The following CLVS1 variants were observed in gnomAD, a reference collection of about 807,000 sequenced individuals.
The protein encoded by CLVS1 is clavesin 1, also known as clavesin-1.
A neutral mutation model predicts 33.1 loss-of-function variants in CLVS1; 10 were observed. That is an observed-to-expected ratio of 0.30 (90% CI 0.19 to 0.51). The LOEUF (loss-of-function observed/expected upper bound fraction) is 0.51, where lower values mean the gene tolerates loss of function less well. CLVS1 is among the 20% of genes least tolerant of loss of function. The pLI, the probability that CLVS1 is intolerant of heterozygous loss-of-function variation, is 0.97. For synonymous variants in CLVS1, 163 were observed against 166.1 expected (o/e 0.98, Z 0.14); for missense variants, 343 against 433.4 (o/e 0.79, Z 1.85).
chr8:61,008,524 T>C, the CLVS1 span, among the ~76,000 whole-genome samples: 89 of 151,106 alleles, frequency 5.9e-4, 2 homozygotes, highest in South Asian at 0.018. Context: ...TGGAAAGCAG[T>C]GGCACAATCA....
chr8:61,286,503 T>C (rs1265067761), upstream of CLVS1, among the ~76,000 whole-genome samples: 1 of 152,246 alleles, frequency 6.6e-6, no homozygotes, highest in Non-Finnish European at 1.5e-5. Context: ...TGCTACATCA[T>C]TTCCAGATGT....
chr8:61,151,724 A>G (rs562010663), intron 2 of CLVS1, among the ~76,000 whole-genome samples: 1 of 152,346 alleles, frequency 6.6e-6, no homozygotes, highest in East Asian at 1.9e-4. Context: ...TGGTTCACCC[A>G]GGGCCTTGCA....
intron 1 of CLVS1, among the ~76,000 whole-genome samples, chr8:61,114,013 T>C (rs1415476750): frequency 1.3e-5 from 2 of 152,248 alleles, no homozygotes; most frequent in Non-Finnish European, 2.9e-5. Context: ...CTTGTGGCCC[T>C]GTATCAACTA....
chr8:61,386,489 C>A (rs1455021198), intron 3 of CLVS1, among the ~76,000 whole-genome samples: 17 of 152,138 alleles, frequency 1.1e-4, no homozygotes, highest in Non-Finnish European at 4.4e-5. Context: ...GATGCAAATG[C>A]CATGCTCAGC....
intron 1 of CLVS1, 36 bp downstream of exon 1, chr8:61,288,174 C>T (rs963307160): frequency 6.6e-6 from 3 of 456,294 alleles, no homozygotes; most frequent in Non-Finnish European, 1.3e-5. Flanking sequence ...CTGTATTTGC[C>T]GAGCCTCCCC....
intron 3 of CLVS1, among the ~76,000 whole-genome samples, chr8:61,389,770 C>A (rs527914807): frequency 6.6e-6 from 1 of 152,034 alleles, no homozygotes; most frequent in African/African-American, 2.4e-5. Context: ...GAAGCCAGCA[C>A]GGAAGTGCAT....
chr8:61,421,564 T>A (rs994433047), intron 3 of CLVS1, among the ~76,000 whole-genome samples: 1 of 152,150 alleles, frequency 6.6e-6, no homozygotes, highest in Admixed American at 6.5e-5. Flanking sequence ...CCTAGCACTG[T>A]GAAAGGGACT....
At chr8:61,005,087 T>A in the CLVS1 span, among the ~76,000 whole-genome samples, 1 of 152,224 alleles carries the variant, frequency 6.6e-6, no homozygotes, top group Non-Finnish European at 1.5e-5. Flanking sequence ...GCCAGCCTTA[T>A]TATTTAGAAA....
intron 5 of CLVS1, among the ~76,000 whole-genome samples, chr8:61,469,765 C>T (rs928283199): frequency 3.3e-5 from 5 of 152,334 alleles, no homozygotes; most frequent in African/African-American, 1.2e-4. Flanking sequence ...GTCTATTTTA[C>T]TTCATGGCTT....
At chr8:61,298,331 G>T (rs1224704949) in intron 1 of CLVS1, among the ~76,000 whole-genome samples, 3 of 152,098 alleles carry the variant, frequency 2.0e-5, no homozygotes, top group South Asian at 2.1e-4. Flanking sequence ...GTTTCTTAGA[G>T]AACATCACAG....
At chr8:60,978,515 T>C in the CLVS1 span, among the ~76,000 whole-genome samples, 122 of 152,186 alleles carry the variant, frequency 8.0e-4, no homozygotes, top group African/African-American at 2.8e-3. Flanking sequence ...AGGTAACCAC[T>C]AAGAAATAAC....
At chr8:61,456,334 G>A (rs750054401) in intron 4 of CLVS1, among the ~76,000 whole-genome samples, 12 of 152,188 alleles carry the variant, frequency 7.9e-5, no homozygotes, top group African/African-American at 2.4e-4. Flanking sequence ...CTGATATTTC[G>A]CTCCAGCATG....
chr8:61,345,667 T>C, intron 2 of CLVS1, among the ~76,000 whole-genome samples: 1 of 151,500 alleles, frequency 6.6e-6, no homozygotes, highest in African/African-American at 2.4e-5. Context: ...TGTGTGTGTG[T>C]GTGTTTGGTT....
At chr8:61,449,140 C>T (rs1816863988) in intron 3 of CLVS1, among the ~76,000 whole-genome samples, 1 of 152,128 alleles carries the variant, frequency 6.6e-6, no homozygotes, top group African/African-American at 2.4e-5. Context: ...CCTCTGTTGA[C>T]ACCCAAGTAG....
chr8:61,004,060 G>A, the CLVS1 span, among the ~76,000 whole-genome samples: 3 of 152,328 alleles, frequency 2.0e-5, no homozygotes, highest in African/African-American at 4.8e-5. Flanking sequence ...TGAAGAGAGA[G>A]AGGAGTCGAT....
At chr8:61,475,996 G>T (rs1429562072) in intron 5 of CLVS1, among the ~76,000 whole-genome samples, 1 of 152,160 alleles carries the variant, frequency 6.6e-6, no homozygotes, top group African/African-American at 2.4e-5. Context: ...AAGGGATCCA[G>T]TTTCAGCTTT....
intron 1 of CLVS1, among the ~76,000 whole-genome samples, chr8:61,103,733 A>G (rs755075560): frequency 6.6e-6 from 1 of 152,232 alleles, no homozygotes; most frequent in Non-Finnish European, 1.5e-5. Flanking sequence ...TTCATTAATC[A>G]TCATAAGAAT....
At chr8:61,070,649 G>A (rs142406498) in intron 1 of CLVS1, among the ~76,000 whole-genome samples, 24 of 152,194 alleles carry the variant, frequency 1.6e-4, no homozygotes, top group African/African-American at 5.8e-4. Context: ...AAATTAGGCT[G>A]GGGAACATTG....
At chr8:61,198,467 C>T (rs762764464) in intron 2 of CLVS1, among the ~76,000 whole-genome samples, 5 of 152,208 alleles carry the variant, frequency 3.3e-5, no homozygotes, top group Admixed American at 3.3e-4. Context: ...GCAACCTCTA[C>T]ATCCTGGGTT....
Sources: allele counts gnomAD v4.1 joint callset (sites outside exome capture counted in the v4.1 genomes callset), GRCh38; gene constraint gnomAD v4.1.1; transcripts MANE v1.5; gene names NCBI Gene and HGNC (gene_info 2026-07-23, HGNC 2026-07-21).